The following LRBA variants were observed in gnomAD, a reference collection of about 807,000 sequenced individuals.
LRBA encodes lipopolysaccharide-responsive and beige-like anchor protein.
LRBA carries 176 observed loss-of-function variants against 330.0 expected under a neutral mutation model. The observed-to-expected ratio is 0.53, with a 90% CI of 0.47 to 0.60. The LOEUF (loss-of-function observed/expected upper bound fraction) is 0.60. Among genes scored for constraint, LRBA ranks in the 20% least tolerant of loss-of-function variants. The pLI is 0.00. For synonymous variants in LRBA, 1,230 were observed against 1,193.0 expected (o/e 1.03, Z -0.64); for missense variants, 3,259 against 3,444.8 (o/e 0.95, Z 1.35).
At chr4:150,907,494 T>C (rs766676143) in intron 11 of LRBA, among the ~76,000 whole-genome samples, 1 of 152,148 alleles carries the variant, frequency 6.6e-6, no homozygotes, top group Non-Finnish European at 1.5e-5. Context: ...AAATACTAGA[T>C]TTGATAACTT....
At chr4:150,827,972 T>A (rs1278022238) in intron 30 of LRBA, among the ~76,000 whole-genome samples, 1 of 152,160 alleles carries the variant, frequency 6.6e-6, no homozygotes, top group Admixed American at 6.5e-5. Flanking sequence ...CAGTATATAA[T>A]ACATATAACA....
chr4:150,456,276 T>C (rs1754051092), intron 44 of LRBA, among the ~76,000 whole-genome samples: 1 of 152,178 alleles, frequency 6.6e-6, no homozygotes, highest in African/African-American at 2.4e-5. Flanking sequence ...TGCACTAATT[T>C]ATGTTCCTAC....
intron 48 of LRBA, among the ~76,000 whole-genome samples, chr4:150,331,168 T>A (rs1733947861): frequency 6.6e-6 from 1 of 152,172 alleles, no homozygotes; most frequent in South Asian, 2.1e-4. Context: ...GTAATATGTA[T>A]GATTTGAAAA....
chr4:150,806,100 G>A (rs2126714895), intron 33 of LRBA, among the ~76,000 whole-genome samples, 171 bp downstream of exon 33: 1 of 151,612 alleles, frequency 6.6e-6, no homozygotes, highest in South Asian at 2.1e-4. Context: ...AAATCTTGAA[G>A]ATTACAACAT....
chr4:150,441,295 C>T (rs1581321220), intron 44 of LRBA, among the ~76,000 whole-genome samples: 2 of 151,978 alleles, frequency 1.3e-5, no homozygotes, highest in South Asian at 2.1e-4. Flanking sequence ...CTGTAAGAAG[C>T]CTAAGAGTAA....
chr4:150,961,063 T>G (rs1279049199), intron 2 of LRBA, among the ~76,000 whole-genome samples: 2 of 148,938 alleles, frequency 1.3e-5, no homozygotes, highest in Non-Finnish European at 1.5e-5. Context: ...TGCATCCTGA[T>G]GGTGATGGGG....
At chr4:150,803,087 C>G (rs7672407) in intron 33 of LRBA, among the ~76,000 whole-genome samples, 1 of 111,748 alleles carries the variant, frequency 8.9e-6, no homozygotes, top group African/African-American at 5.5e-5. Context: ...TATATATACA[C>G]ACACACACAC....
chr4:150,906,362 T>C lies in LRBA; in HGVS notation c.1537A>G (p.Ile513Val), dbSNP rs767633391. 9.3e-6 allele frequency: 15 copies of C among 1,612,432 alleles called. No homozygotes were observed. Among genetic ancestry groups the C allele is most frequent in the South Asian group, 1.1e-5 (1 of 90,838 alleles). The change falls in exon 12 of 57, where the codon ATT becomes GTT. Residue 513 changes from isoleucine (I) to valine (V), a missense_variant. Transcript: ENST00000651943. Reference sequence around the variant, plus strand: ...GCAAGCATCTGTTCCTGCATAGCAATTGAGTTCTTCAACAATTCCATGATA... The same window carrying C: ...GCAAGCATCTGTTCCTGCATAGCAACTGAGTTCTTCAACAATTCCATGATA... The part of the protein sequence containing the change: ...AFIMELLKNS[I>V]AMQEQMLACK...
chr4:150,449,762 G>C (rs557481844), intron 44 of LRBA, among the ~76,000 whole-genome samples: 1 of 152,154 alleles, frequency 6.6e-6, no homozygotes, highest in African/African-American at 2.4e-5. Context: ...CCTGACATAA[G>C]AAGAAGCATA....
chr4:150,697,341 A>AAAAAAAC lies in LRBA; in HGVS notation c.5755-13625_5755-13624insGTTTTTT, dbSNP rs770691614. On this transcript the variant is annotated intron_variant, in intron 36 of 56. Coordinates refer to ENST00000651943, the MANE Select transcript of LRBA (RefSeq NM_001364905.1). ...TTTGTCTCAGAAAAAAAAAAAAAAA[A>AAAAAAAC]AAAAAAAAAACAGGGAGAGTTTCAC... Among the ~76,000 whole-genome samples the AAAAAAAC allele has an allele frequency of 1.3e-3, 186 of 148,262 alleles. 27 individuals carry two copies. Among genetic ancestry groups the AAAAAAAC allele is most frequent in the Middle Eastern group, 3.5e-3 (1 of 288 alleles).
chr4:150,599,324 T>C (rs535405158), intron 37 of LRBA, among the ~76,000 whole-genome samples, 193 bp from the exon 38 acceptor site: 1 of 152,302 alleles, frequency 6.6e-6, no homozygotes, highest in Admixed American at 6.5e-5. Context: ...CAATATCACC[T>C]TCTAGTCTAA....
intron 40 of LRBA, among the ~76,000 whole-genome samples, chr4:150,498,504 G>C (rs1216609705): frequency 1.3e-5 from 2 of 151,090 alleles, no homozygotes; most frequent in African/African-American, 4.9e-5. Context: ...ATTTTTTTTT[G>C]AAAGAAGGCA....
intron 46 of LRBA, among the ~76,000 whole-genome samples, chr4:150,426,519 C>T (rs1361540393): frequency 6.6e-6 from 1 of 151,862 alleles, no homozygotes; most frequent in Non-Finnish European, 1.5e-5. Context: ...CCTCAATTGC[C>T]ATTTCAAAAT....
At chr4:150,679,429 C>T (rs1006444969) in intron 37 of LRBA, among the ~76,000 whole-genome samples, 7 of 152,250 alleles carry the variant, frequency 4.6e-5, no homozygotes, top group Admixed American at 3.3e-4. Flanking sequence ...CTGTTAGTTT[C>T]GATTTCACAA....
rs79659286 is a variant in LRBA at position 150,539,601 on chromosome 4, C to T, written c.6330+48447G>A. 6.7e-3 allele frequency among the ~76,000 whole-genome samples: 1,018 copies of T among 152,264 alleles called. 14 individuals are homozygous for T. Among genetic ancestry groups the T allele is most frequent in the African/African-American group, 0.023 (951 of 41,548 alleles). ...TTCACAGTATCAACATAGTCTTAAG[C>T]GCATCTTAAACAATATATCTGCTCT... On this transcript the variant is annotated intron_variant, in intron 40 of 56. Coordinates refer to ENST00000651943, the MANE Select transcript of LRBA (RefSeq NM_001364905.1).
intron 41 of LRBA, among the ~76,000 whole-genome samples, chr4:150,489,305 T>TATATACGAATATATAATATATCAC (rs1561250686): frequency 1.6e-5 from 1 of 62,380 alleles, no homozygotes; most frequent in Non-Finnish European, 2.7e-5. Flanking sequence ...TAATATATTA[T>TATATACGAATATATAATATATCAC]ATATAAGAAT....
At chr4:150,750,352 T>C (rs906387953) in intron 35 of LRBA, among the ~76,000 whole-genome samples, 6 of 152,206 alleles carry the variant, frequency 3.9e-5, no homozygotes, top group African/African-American at 1.4e-4. Flanking sequence ...ATGAGTGCCA[T>C]AAACCACTCC....
At chr4:150,304,083 A>G (rs746129197) in intron 52 of LRBA, among the ~76,000 whole-genome samples, 2 of 152,028 alleles carry the variant, frequency 1.3e-5, no homozygotes, top group Non-Finnish European at 2.9e-5. Context: ...TTTTCTTTAA[A>G]TAAGTTTTTA....
intron 36 of LRBA, among the ~76,000 whole-genome samples, chr4:150,727,819 C>T (rs1729906360): frequency 6.6e-6 from 1 of 151,676 alleles, no homozygotes; most frequent in Non-Finnish European, 1.5e-5. Flanking sequence ...AGAAAAGTAA[C>T]AGTAAACTGA....
Sources: allele counts gnomAD v4.1 joint callset (sites outside exome capture counted in the v4.1 genomes callset), GRCh38; gene constraint gnomAD v4.1.1; transcripts MANE v1.5; gene names NCBI Gene and HGNC (gene_info 2026-07-23, HGNC 2026-07-21).